Variants in HPSE2 observed in about 807,000 individuals in gnomAD.
HPSE2 encodes heparanase 2 (inactive).
In HPSE2, 38 loss-of-function variants were observed where a neutral mutation model predicts 60.5. That is an observed-to-expected ratio of 0.63 (90% CI 0.48 to 0.82). HPSE2 has a LOEUF of 0.82. HPSE2 is among the 40% of genes least tolerant of loss of function. HPSE2 has a pLI of 0.00. For missense variants in HPSE2, 713 were observed against 740.4 expected, an observed-to-expected ratio of 0.96 and a Z score of 0.43; for synonymous variants, 295 against 293.2, an observed-to-expected ratio of 1.01 and a Z score of -0.06.
intron 6 of HPSE2, among the ~76,000 whole-genome samples, chr10:98,665,689 C>T (rs1237891213): frequency 6.6e-6 from 1 of 152,106 alleles, no homozygotes; most frequent in Admixed American, 6.5e-5. Context: ...CCAAACTCAG[C>T]TTCATAAGCA....
intron 3 of HPSE2, among the ~76,000 whole-genome samples, chr10:98,890,624 A>G (rs1953307378): frequency 1.3e-5 from 2 of 152,210 alleles, no homozygotes; most frequent in South Asian, 4.1e-4. Flanking sequence ...TGTAAAACAA[A>G]TAAGTAAATA....
intron 3 of HPSE2, among the ~76,000 whole-genome samples, chr10:99,062,770 A>G (rs1227187875): frequency 1.3e-5 from 2 of 152,172 alleles, no homozygotes; most frequent in East Asian, 3.8e-4. Context: ...AGAGGTGAGG[A>G]AGGGAAATGG....
chr10:99,235,624 A>G lies in HPSE2; in HGVS notation c.179T>C (p.Leu60Pro). Reference sequence around the variant, plus strand: ...CTTGGTGCTCACATCAAGTAGAATCAGGGTCTTTTCCTTCAAACCTGCAGC... The same window carrying G: ...CTTGGTGCTCACATCAAGTAGAATCGGGGTCTTTTCCTTCAAACCTGCAGC... The part of the protein sequence containing the change: ...DRAAGLKEKT[L>P]ILLDVSTKNP... Residue 60 changes from leucine to proline, a missense_variant, in exon 1 of 12, where the codon CTG (leucine) becomes CCG (proline). Coordinates refer to ENST00000370552, the MANE Select transcript of HPSE2 (RefSeq NM_021828.5). The G allele has an allele frequency of 6.2e-7, 1 of 1,614,068 alleles. No individual in the cohort carries two copies. Among genetic ancestry groups the G allele is most frequent in the Non-Finnish European group, 8.5e-7 (1 of 1,180,000 alleles).
At chr10:98,596,252 A>G (rs1306957422) in intron 9 of HPSE2, among the ~76,000 whole-genome samples, 1 of 152,180 alleles carries the variant, frequency 6.6e-6, no homozygotes, top group African/African-American at 2.4e-5. Context: ...CTGCTCCCAC[A>G]TTTTATAATT....
chr10:98,560,184 C>CA (rs1373054936), intron 9 of HPSE2, among the ~76,000 whole-genome samples: 1 of 152,164 alleles, frequency 6.6e-6, no homozygotes, highest in African/African-American at 2.4e-5. Context: ...CCCTTAAGCT[C>CA]AACCTATCAT....
At chr10:99,206,419 G>A (rs1000023576) in intron 2 of HPSE2, among the ~76,000 whole-genome samples, 1 of 152,002 alleles carries the variant, frequency 6.6e-6, no homozygotes, top group Non-Finnish European at 1.5e-5. Context: ...TGGGCAACAT[G>A]GTGAAACCCA....
intron 6 of HPSE2, among the ~76,000 whole-genome samples, chr10:98,656,670 AGATTT>A (rs1189747645): frequency 6.6e-6 from 1 of 152,006 alleles, no homozygotes; most frequent in African/African-American, 2.4e-5. Context: ...TATAGACACT[AGATTT>A]TGTTTTCCAC....
chr10:99,293,498 G>A, the HPSE2 span, among the ~76,000 whole-genome samples: 1 of 152,174 alleles, frequency 6.6e-6, no homozygotes, highest in Non-Finnish European at 1.5e-5. Context: ...TGAGAAGATT[G>A]TGTACCCAGT....
intron 2 of HPSE2, among the ~76,000 whole-genome samples, chr10:99,172,639 A>C (rs1328490837): frequency 6.6e-6 from 1 of 152,158 alleles, no homozygotes. Context: ...GGGCTTTGGG[A>C]GGCCAGGGTG....
chr10:98,972,290 T>C (rs1955974402), intron 3 of HPSE2, among the ~76,000 whole-genome samples: 1 of 152,152 alleles, frequency 6.6e-6, no homozygotes, highest in Non-Finnish European at 1.5e-5. Flanking sequence ...AAGATACTAA[T>C]CTCTTGTTGA....
At chr10:99,050,287 G>A (rs868867092) in intron 3 of HPSE2, among the ~76,000 whole-genome samples, 18 of 151,472 alleles carry the variant, frequency 1.2e-4, no homozygotes, top group Middle Eastern at 6.8e-3. Context: ...AGACAAAAGA[G>A]TGAGACTCTG....
chr10:99,010,897 T>C (rs1240922193), intron 3 of HPSE2, among the ~76,000 whole-genome samples: 1 of 152,168 alleles, frequency 6.6e-6, no homozygotes, highest in African/African-American at 2.4e-5. Context: ...ATGTGCAGGT[T>C]TGTCACATAT....
At chr10:98,675,539 TACACACACACACAC>T (rs774393556) in intron 6 of HPSE2, among the ~76,000 whole-genome samples, 4 of 121,592 alleles carry the variant, frequency 3.3e-5, no homozygotes, top group East Asian at 2.8e-4. Flanking sequence ...GATCCCTGTC[TACACACACACACAC>T]ACACACACAC....
chr10:98,728,046 TA>T (rs1949133722), intron 4 of HPSE2, among the ~76,000 whole-genome samples: 1 of 151,638 alleles, frequency 6.6e-6, no homozygotes, highest in Non-Finnish European at 1.5e-5. Flanking sequence ...TTATAAGAAA[TA>T]AAAAAGGAAG....
chr10:98,492,795 T>C (rs1156282583), intron 9 of HPSE2, among the ~76,000 whole-genome samples: 3 of 148,234 alleles, frequency 2.0e-5, no homozygotes, highest in South Asian at 2.1e-4. Context: ...CAACATTTTT[T>C]CCCAATTTTT....
chr10:98,776,368 A>G (rs1950340654), intron 3 of HPSE2, among the ~76,000 whole-genome samples: 1 of 152,026 alleles, frequency 6.6e-6, no homozygotes, highest in South Asian at 2.1e-4. Context: ...AATCACTTGA[A>G]CCCAGGAGGT....
chr10:98,920,079 A>T (rs1205204168), intron 3 of HPSE2, among the ~76,000 whole-genome samples: 2 of 152,164 alleles, frequency 1.3e-5, no homozygotes, highest in Non-Finnish European at 2.9e-5. Context: ...GTTCACTCTG[A>T]GGTCATGCTC....
intron 3 of HPSE2, among the ~76,000 whole-genome samples, chr10:98,938,762 C>A (rs1316840572): frequency 7.0e-6 from 1 of 143,262 alleles, no homozygotes; most frequent in Non-Finnish European, 1.5e-5. Context: ...TCAAGAAGAG[C>A]AACCCCAAGA....
In HPSE2 at chr10:98,938,714, A is replaced by G. The variant is rs183162033; in HGVS notation, c.611-194658T>C. ...AATCTAGCAAGGCACGCCAACATTC[A>G]GACTCAGGAAATACAGAGAACGCCA... is the stretch of plus-strand genomic sequence containing the variant. On this transcript the variant is annotated intron_variant, in intron 3 of 11. Coordinates refer to ENST00000370552, the MANE Select transcript of HPSE2 (RefSeq NM_021828.5). Among the ~76,000 whole-genome samples the G allele has an allele frequency of 2.8e-5, 4 of 143,892 alleles. 1 individual carries two copies. The East Asian group carries it at 7.9e-4, about 28-fold the overall frequency. The allele number at this position is 143,892 out of a possible 152,430, so 94.4% of individuals were successfully genotyped here. A position where few individuals can be genotyped will look rare whatever the true frequency, so the allele number is the denominator to read the frequency against.
Sources: allele counts gnomAD v4.1 joint callset (sites outside exome capture counted in the v4.1 genomes callset), GRCh38; gene constraint gnomAD v4.1.1; transcripts MANE v1.5; gene names NCBI Gene and HGNC (gene_info 2026-07-23, HGNC 2026-07-21).